RNLS: variants seen among roughly 807,000 people sequenced by gnomAD.
RNLS encodes the protein renalase.
RNLS carries 39 observed loss-of-function variants against 39.8 expected under a neutral mutation model. That is an observed-to-expected ratio of 0.98 (90% CI 0.76 to 1.28). RNLS has a LOEUF of 1.28. Ranked by LOEUF, RNLS falls within the 50% of genes most tolerant of loss-of-function variation. The pLI, the probability that RNLS is intolerant of heterozygous loss-of-function variation, is 0.00. For synonymous variants in RNLS, 147 were observed against 150.7 expected (o/e 0.98, Z 0.18); for missense variants, 410 against 413.3 (o/e 0.99, Z 0.07).
chr10:88,214,636 G>A, the RNLS span, among the ~76,000 whole-genome samples: 13 of 151,672 alleles, frequency 8.6e-5, no homozygotes, highest in Non-Finnish European at 4.4e-5. Context: ...GTTTTATTCA[G>A]TTTTTACCTT....
the RNLS span, among the ~76,000 whole-genome samples, chr10:88,243,847 C>A: frequency 6.6e-6 from 1 of 152,210 alleles, no homozygotes; most frequent in Non-Finnish European, 1.5e-5. Context: ...CTCCTATCAC[C>A]CTTGGCAGCT....
chr10:88,572,673 A>T (rs1179656934), intron 4 of RNLS, among the ~76,000 whole-genome samples: 2 of 152,252 alleles, frequency 1.3e-5, no homozygotes, highest in African/African-American at 2.4e-5. Flanking sequence ...CGTGTTGAAG[A>T]CATGGGCAAT....
the RNLS span, among the ~76,000 whole-genome samples, chr10:88,173,942 A>G: frequency 6.6e-6 from 1 of 151,900 alleles, no homozygotes; most frequent in Non-Finnish European, 1.5e-5. Flanking sequence ...AGTGTTATGT[A>G]GTTTTCATTG....
intron 5 of RNLS, among the ~76,000 whole-genome samples, chr10:88,332,693 C>A (rs1034932858): frequency 6.6e-6 from 1 of 152,070 alleles, no homozygotes; most frequent in Non-Finnish European, 1.5e-5. Flanking sequence ...CCTGACAAAC[C>A]CTTACTTCCC....
chr10:88,456,902 G>A (rs139509889), intron 4 of RNLS, among the ~76,000 whole-genome samples: 2 of 152,056 alleles, frequency 1.3e-5, no homozygotes, highest in Non-Finnish European at 2.9e-5. Context: ...TTTTCTTCAC[G>A]GCCTTCTTGC....
chr10:88,245,764 A>G, the RNLS span, among the ~76,000 whole-genome samples: 1 of 152,270 alleles, frequency 6.6e-6, no homozygotes, highest in Admixed American at 6.5e-5. Flanking sequence ...CTTCTATCAT[A>G]TATGCCAGAA....
In RNLS at chr10:88,285,145, A is replaced by C. The variant is rs1589455789; in HGVS notation, c.*209T>G. The C allele has an allele frequency of 1.7e-6, 2 of 1,186,904 alleles. No homozygotes were observed. The highest frequency in any genetic ancestry group is 7.4e-5 in the East Asian group (2 of 27,142). The allele number at this position is 1,186,904 out of a possible 1,614,324, so 73.5% of individuals were successfully genotyped here. A position where few individuals can be genotyped will look rare whatever the true frequency, so the allele number is the denominator to read the frequency against. On this transcript the variant is annotated 3_prime_UTR_variant, in exon 7 of 7. Transcript: ENST00000331772. ...TCATAGCAATTCAGAAAAGTAGGGA[A>C]GGTGCAAGGTGTGAGGAATTTCCAT...
intron 5 of RNLS, among the ~76,000 whole-genome samples, chr10:88,353,412 C>T (rs942038038): frequency 5.3e-5 from 8 of 152,058 alleles, no homozygotes; most frequent in Non-Finnish European, 1.0e-4. Context: ...TATGTTGTGT[C>T]TTTGTTCTCG....
chr10:88,477,296 G>T (rs1405926287), intron 4 of RNLS, among the ~76,000 whole-genome samples: 1 of 152,100 alleles, frequency 6.6e-6, no homozygotes, highest in Admixed American at 6.6e-5. Flanking sequence ...GAACAACAAA[G>T]CAGGTGCCTT....
the RNLS span, among the ~76,000 whole-genome samples, chr10:88,191,430 A>G: frequency 3.9e-5 from 6 of 152,182 alleles, no homozygotes; most frequent in African/African-American, 1.4e-4. Flanking sequence ...AAAATTATAC[A>G]TATTTATGGT....
At chr10:88,179,542 GT>G in the RNLS span, among the ~76,000 whole-genome samples, 1 of 152,178 alleles carries the variant, frequency 6.6e-6, no homozygotes, top group East Asian at 1.9e-4. Context: ...TACTCTATAT[GT>G]TTAATTCATT....
At chr10:88,291,711 T>C (rs1444858023) in intron 6 of RNLS, among the ~76,000 whole-genome samples, 7 of 152,170 alleles carry the variant, frequency 4.6e-5, no homozygotes, top group African/African-American at 1.7e-4. Context: ...CTGTTTTTTT[T>C]CTCTCCTTTC....
intron 4 of RNLS, among the ~76,000 whole-genome samples, chr10:88,507,088 G>A (rs1289134695): frequency 1.3e-5 from 2 of 152,128 alleles, no homozygotes; most frequent in Non-Finnish European, 2.9e-5. Flanking sequence ...ATCTTGACTT[G>A]CAGCCTCAGC....
intron 5 of RNLS, among the ~76,000 whole-genome samples, chr10:88,323,807 A>G (rs192587700): frequency 2.0e-5 from 3 of 152,298 alleles, no homozygotes; most frequent in Admixed American, 2.0e-4. Flanking sequence ...AGAATGGGAG[A>G]CAATATCCAC....
At chr10:88,410,098 T>C (rs1447156060) in intron 4 of RNLS, among the ~76,000 whole-genome samples, 1 of 152,128 alleles carries the variant, frequency 6.6e-6, no homozygotes, top group Admixed American at 6.6e-5. Flanking sequence ...CCCACTCAGC[T>C]GTAGTTGACA....
chr10:88,495,692 G>A (rs1845132412), intron 4 of RNLS, among the ~76,000 whole-genome samples: 1 of 152,048 alleles, frequency 6.6e-6, no homozygotes, highest in African/African-American at 2.4e-5. Flanking sequence ...GCATAAGAAT[G>A]AGTAAAGAAG....
intron 4 of RNLS, among the ~76,000 whole-genome samples, chr10:88,462,270 T>C (rs1196950244): frequency 6.6e-6 from 1 of 152,076 alleles, no homozygotes; most frequent in Non-Finnish European, 1.5e-5. Context: ...ACATGAGATA[T>C]TTTGATACAA....
chr10:88,481,607 T>C (rs938129814), intron 4 of RNLS, among the ~76,000 whole-genome samples: 17 of 152,144 alleles, frequency 1.1e-4, no homozygotes, highest in Non-Finnish European at 2.2e-4. Flanking sequence ...TCCCCATTTC[T>C]TGCAGTATTA....
the RNLS span, among the ~76,000 whole-genome samples, chr10:88,198,335 G>A: frequency 2.0e-5 from 3 of 152,188 alleles, no homozygotes; most frequent in African/African-American, 7.2e-5. Context: ...GGTTTCTTTT[G>A]ATCAGGGTAG....
Sources: gnomAD v4.1 joint callset for allele counts (sites outside exome capture counted in the v4.1 genomes callset) on GRCh38, gnomAD v4.1.1 for gene constraint, MANE v1.5 for transcripts, NCBI Gene and HGNC (gene_info 2026-07-23, HGNC 2026-07-21) for gene names.